PDE1C: variants seen among roughly 807,000 people sequenced by gnomAD.
PDE1C encodes the protein dual specificity calcium/calmodulin-dependent 3',5'-cyclic nucleotide phosphodiesterase 1C.
PDE1C carries 62 observed loss-of-function variants against 93.1 expected under a neutral mutation model. That is an observed-to-expected ratio of 0.67 (90% CI 0.54 to 0.82). The LOEUF (loss-of-function observed/expected upper bound fraction) is 0.82. PDE1C is among the 40% of genes least tolerant of loss of function. PDE1C has a pLI of 0.00. For missense variants in PDE1C, 742 were observed against 884.6 expected (o/e 0.84, Z 2.04); for synonymous variants, 325 against 310.1 (o/e 1.05, Z -0.50).
rs1354762728 is a variant in PDE1C at position 31,800,140 on chromosome 7, CTGAG to C, written c.1891+8887_1891+8890del. Reference sequence around the variant, plus strand: ...TGGGTCGTTTTCTTATTATTTAATACTGAGTATCTATATTTAATGAATATCAGTT... The same window carrying C: ...TGGGTCGTTTTCTTATTATTTAATACTATCTATATTTAATGAATATCAGTT... On this transcript the variant is annotated intron_variant, in intron 16 of 17. Coordinates refer to ENST00000396191, the MANE Select transcript of PDE1C (RefSeq NM_001191057.4). Among the ~76,000 whole-genome samples the C allele has an allele frequency of 2.6e-5, 4 of 150,956 alleles. No homozygotes were observed. The East Asian group carries it at 6.0e-4, about 23-fold the overall frequency.
chr7:31,703,296 G>A, the PDE1C span, among the ~76,000 whole-genome samples: 1 of 152,292 alleles, frequency 6.6e-6, no homozygotes, highest in Non-Finnish European at 1.5e-5. Flanking sequence ...GTATAAACCT[G>A]CTGATTCAAG....
intron 1 of PDE1C, among the ~76,000 whole-genome samples, chr7:32,363,522 C>A (rs970561028): frequency 1.1e-4 from 17 of 152,196 alleles, no homozygotes; most frequent in African/African-American, 4.1e-4. Context: ...TAAAGTCAGG[C>A]TGAATCTCAA....
upstream of PDE1C, among the ~76,000 whole-genome samples, chr7:32,300,069 G>A (rs1247323772): frequency 6.6e-6 from 1 of 151,972 alleles, no homozygotes; most frequent in Non-Finnish European, 1.5e-5. Flanking sequence ...CATATCTTCA[G>A]AATCTAATGA....
chr7:32,325,530 G>A (rs574712729), intron 1 of PDE1C, among the ~76,000 whole-genome samples: 9 of 152,270 alleles, frequency 5.9e-5, no homozygotes, highest in African/African-American at 9.6e-5. Context: ...TCTGTTCTAC[G>A]TTTTCCCCTG....
chr7:32,166,154 T>C (rs11533932), intron 3 of PDE1C, among the ~76,000 whole-genome samples: 18,203 of 152,170 alleles, frequency 0.12, 1,220 homozygotes, highest in South Asian at 0.18. Context: ...TTATTTTACA[T>C]TGTAAAATTT....
intron 3 of PDE1C, among the ~76,000 whole-genome samples, chr7:32,160,521 T>C (rs1801849898): frequency 6.6e-6 from 1 of 152,124 alleles, no homozygotes; most frequent in Non-Finnish European, 1.5e-5. Context: ...TATCCTCCAA[T>C]AAGCCAAGTC....
intron 1 of PDE1C, among the ~76,000 whole-genome samples, chr7:32,265,685 C>G (rs555074422): frequency 6.6e-6 from 1 of 152,280 alleles, no homozygotes; most frequent in South Asian, 2.1e-4. Context: ...TTGAGTTTAG[C>G]CCTTGTTACT....
intron 2 of PDE1C, among the ~76,000 whole-genome samples, chr7:32,207,555 A>T (rs894852209): frequency 2.4e-4 from 37 of 152,212 alleles, no homozygotes; most frequent in African/African-American, 8.7e-4. Context: ...AAAAGGACTT[A>T]GTAGCTCACG....
At chr7:32,339,202 C>CTACTGTACG (rs141452039) in intron 1 of PDE1C, among the ~76,000 whole-genome samples, 3,766 of 152,098 alleles carry the variant, frequency 0.025, 78 homozygotes, top group African/African-American at 0.054. Flanking sequence ...AATAGGACAA[C>CTACTGTACG]TACTGTACGA....
intron 2 of PDE1C, among the ~76,000 whole-genome samples, chr7:31,940,941 G>A (rs1231423971): frequency 6.6e-6 from 1 of 151,852 alleles, no homozygotes; most frequent in Non-Finnish European, 1.5e-5. Flanking sequence ...CAGACCAAGT[G>A]TACACCTTCC....
intron 11 of PDE1C, among the ~76,000 whole-genome samples, chr7:31,833,733 G>C (rs1379015350): frequency 6.6e-6 from 1 of 152,188 alleles, no homozygotes; most frequent in Non-Finnish European, 1.5e-5. Flanking sequence ...CATTCAAGAG[G>C]TAACTTGGGT....
chr7:31,839,895 G>A (rs1791624600), intron 9 of PDE1C, among the ~76,000 whole-genome samples: 1 of 152,122 alleles, frequency 6.6e-6, no homozygotes, highest in African/African-American at 2.4e-5. Flanking sequence ...AAATTAGCTG[G>A]GTGTTGTGGC....
At chr7:32,100,188 G>A (rs151040629) in intron 3 of PDE1C, among the ~76,000 whole-genome samples, 10 of 152,326 alleles carry the variant, frequency 6.6e-5, no homozygotes, top group African/African-American at 2.2e-4. Context: ...GGAAGGGAGG[G>A]AAGAATGAAG....
chr7:31,713,582 C>T, the PDE1C span, among the ~76,000 whole-genome samples: 16 of 152,206 alleles, frequency 1.1e-4, no homozygotes, highest in African/African-American at 3.9e-4. Flanking sequence ...GGGGCTCCAA[C>T]CCCACATTTC....
chr7:31,662,674 T>C, the PDE1C span, among the ~76,000 whole-genome samples: 1 of 152,196 alleles, frequency 6.6e-6, no homozygotes, highest in Non-Finnish European at 1.5e-5. Flanking sequence ...GTGTAAATAA[T>C]CTAAAATGCT....
At chr7:32,303,089 T>C (rs958640380), upstream of PDE1C, among the ~76,000 whole-genome samples, 2 of 152,192 alleles carry the variant, frequency 1.3e-5, no homozygotes, top group African/African-American at 4.8e-5. Context: ...TTTCTGGGAA[T>C]AGGAATTGTG....
chr7:31,694,380 T>TCAAACACACA, the PDE1C span, among the ~76,000 whole-genome samples: 931 of 109,142 alleles, frequency 8.5e-3, 8 homozygotes, highest in African/African-American at 0.031. Flanking sequence ...TCTCTCTCTC[T>TCAAACACACA]CTCTCAAACA....
chr7:32,387,633 A>C (rs1388945930), intron 1 of PDE1C, among the ~76,000 whole-genome samples: 1 of 138,724 alleles, frequency 7.2e-6, no homozygotes, highest in Non-Finnish European at 1.5e-5. Flanking sequence ...CGGGGGGCTG[A>C]TCCCCCCACC....
intron 1 of PDE1C, among the ~76,000 whole-genome samples, chr7:32,249,813 G>T (rs1473082200): frequency 6.6e-6 from 1 of 152,158 alleles, no homozygotes; most frequent in Non-Finnish European, 1.5e-5. Context: ...CTGTGGGGGT[G>T]AGGTTCTAAA....
Sources: allele counts gnomAD v4.1 joint callset (sites outside exome capture counted in the v4.1 genomes callset), GRCh38; gene constraint gnomAD v4.1.1; transcripts MANE v1.5; gene names NCBI Gene and HGNC (gene_info 2026-07-23, HGNC 2026-07-21).